Variants in DSCAM observed in about 807,000 individuals in gnomAD.
The protein encoded by DSCAM is DS cell adhesion molecule, also known as cell adhesion molecule DSCAM.
DSCAM carries 47 observed loss-of-function variants against 217.7 expected under a neutral mutation model. The ratio of observed to expected loss-of-function variants is 0.22; its 90% CI spans 0.17 to 0.28. The LOEUF is 0.28. Ranked by LOEUF, DSCAM falls within the 10% of genes least tolerant of loss-of-function variation. The pLI is 1.00. For synonymous variants in DSCAM, 1,056 were observed against 1,015.3 expected, an observed-to-expected ratio of 1.04 and a Z score of -0.76; for missense variants, 2,080 against 2,618.3, an observed-to-expected ratio of 0.79 and a Z score of 4.49.
At chr21:40,407,628 T>C (rs1316758073) in intron 3 of DSCAM, among the ~76,000 whole-genome samples, 1 of 152,152 alleles carries the variant, frequency 6.6e-6, no homozygotes, top group Non-Finnish European at 1.5e-5. Context: ...AGACACTCCA[T>C]ATAAAGACAA....
chr21:40,489,607 T>C (rs2076058156), intron 3 of DSCAM, among the ~76,000 whole-genome samples: 1 of 151,402 alleles, frequency 6.6e-6, no homozygotes, highest in Non-Finnish European at 1.5e-5. Context: ...ACCCCGTCTC[T>C]ACTAAAAATA....
intron 3 of DSCAM, among the ~76,000 whole-genome samples, chr21:40,677,553 A>G (rs2090354352): frequency 6.6e-6 from 1 of 152,154 alleles, no homozygotes; most frequent in African/African-American, 2.4e-5. Flanking sequence ...TCCCCCCAAA[A>G]AGTCAAGAAA....
At chr21:40,578,156 G>A (rs1233616565) in intron 3 of DSCAM, among the ~76,000 whole-genome samples, 2 of 152,140 alleles carry the variant, frequency 1.3e-5, no homozygotes, top group African/African-American at 4.8e-5. Flanking sequence ...TAGAGTGCAG[G>A]CTAACACCGT....
intron 1 of DSCAM, among the ~76,000 whole-genome samples, chr21:40,718,194 C>T (rs552265918): frequency 4.5e-4 from 69 of 152,294 alleles, no homozygotes; most frequent in African/African-American, 1.6e-3. Flanking sequence ...AACAACATGT[C>T]AGTTTCACTA....
chr21:40,826,038 CA>C (rs1164728969), intron 1 of DSCAM, among the ~76,000 whole-genome samples: 3 of 152,300 alleles, frequency 2.0e-5, no homozygotes, highest in Non-Finnish European at 2.9e-5. Context: ...GCACAGTAGA[CA>C]AATGTGGGCT....
chr21:40,737,827 G>A (rs530397202), intron 1 of DSCAM, among the ~76,000 whole-genome samples: 2 of 152,308 alleles, frequency 1.3e-5, no homozygotes, highest in Admixed American at 1.3e-4. Context: ...GCTCTTGAGT[G>A]GGTTCTGGGC....
rs778651720 is a variant in DSCAM, at chr21:40,353,577, G to C, written c.822C>G (p.Thr274=). The C allele has an allele frequency of 6.2e-7, 1 of 1,610,178 alleles. No homozygotes were observed. The highest frequency in any genetic ancestry group is 1.3e-5 in the African/African-American group (1 of 74,564). The change falls in exon 5 of 33, where the codon ACC becomes ACG. Residue 274 remains threonine, a synonymous_variant. Coordinates refer to ENST00000400454, the MANE Select transcript of DSCAM (RefSeq NM_001389.5). ...TGTTCTCAATGAGCAGCCCCGTCACGGTCTTCTGGAACCTCCCTGAAAGTT... is the reference window on the plus strand; with the variant it reads ...TGTTCTCAATGAGCAGCCCCGTCACCGTCTTCTGGAACCTCCCTGAAAGTT... ...PLELSGRFQK[T]VTGLLIENIR...
intron 17 of DSCAM, 94 bp from the exon 18 acceptor site, chr21:40,142,798 C>G: frequency 1.4e-6 from 2 of 1,437,186 alleles, no homozygotes; most frequent in Non-Finnish European, 1.9e-6. Flanking sequence ...TTTCAATATG[C>G]AAGCAAAAAA....
rs8133011 is a variant in DSCAM at position 40,101,146 on chromosome 21, G to A, written c.3697-7272C>T. ...CTGTCTATGCCCAGCTTGAGGAAGT[G>A]GATGGGACATTTGTGGACTGGGGTT... On this transcript the variant is annotated intron_variant, in intron 20 of 32. Transcript: ENST00000400454. Among the ~76,000 whole-genome samples, 1,348 of 152,304 alleles carry A rather than the reference G, an allele frequency of 8.9e-3. 22 individuals are homozygous for A. Among genetic ancestry groups the A allele is most frequent in the African/African-American group, 0.03 (1,262 of 41,576 alleles).
At chr21:40,632,990 A>C (rs957549530) in intron 3 of DSCAM, among the ~76,000 whole-genome samples, 5 of 152,196 alleles carry the variant, frequency 3.3e-5, no homozygotes, top group African/African-American at 1.2e-4. Flanking sequence ...ATTTATTCTC[A>C]GAGATTTTGT....
chr21:40,364,305 T>C (rs958312152), intron 4 of DSCAM, among the ~76,000 whole-genome samples: 1 of 152,022 alleles, frequency 6.6e-6, no homozygotes, highest in Non-Finnish European at 1.5e-5. Flanking sequence ...TAGACTGGAT[T>C]AAGAAAAAGT....
At chr21:40,506,739 C>T (rs989980899) in intron 3 of DSCAM, among the ~76,000 whole-genome samples, 1 of 151,944 alleles carries the variant, frequency 6.6e-6, no homozygotes. Context: ...CAGGAAGAAG[C>T]GTTTTTAAAA....
intron 4 of DSCAM, among the ~76,000 whole-genome samples, chr21:40,357,860 A>AT (rs1238926135): frequency 2.9e-5 from 2 of 69,352 alleles, no homozygotes; most frequent in South Asian, 5.0e-4. Flanking sequence ...TTAAAGTATA[A>AT]TAAAAAAAAA....
chr21:40,274,511 T>C (rs2073661377), intron 11 of DSCAM, among the ~76,000 whole-genome samples: 2 of 152,232 alleles, frequency 1.3e-5, no homozygotes, highest in Non-Finnish European at 2.9e-5. Flanking sequence ...AATTGTCTTA[T>C]GCATTTAAAG....
At chr21:40,673,930 T>C (rs1253339502) in intron 3 of DSCAM, among the ~76,000 whole-genome samples, 1 of 152,154 alleles carries the variant, frequency 6.6e-6, no homozygotes, top group African/African-American at 2.4e-5. Context: ...CAGCCTCAGG[T>C]ATTTCTTTAC....
chr21:40,248,692 C>G (rs1027159230), intron 11 of DSCAM, among the ~76,000 whole-genome samples: 2 of 152,220 alleles, frequency 1.3e-5, no homozygotes, highest in African/African-American at 4.8e-5. Flanking sequence ...GTTCCAACCT[C>G]TGCCGGTTAC....
At chr21:40,449,516 T>G (rs543353655) in intron 3 of DSCAM, among the ~76,000 whole-genome samples, 148 of 152,298 alleles carry the variant, frequency 9.7e-4, no homozygotes, top group African/African-American at 2.9e-3. Flanking sequence ...CAAAATAAAC[T>G]TGTACCTCCC....
chr21:40,249,694 G>A (rs1217511396), intron 11 of DSCAM, among the ~76,000 whole-genome samples: 4 of 152,138 alleles, frequency 2.6e-5, no homozygotes, highest in African/African-American at 9.7e-5. Context: ...CAGGTCTCAG[G>A]GTCAGAAGTG....
chr21:40,801,460 T>C (rs2091739719), intron 1 of DSCAM, among the ~76,000 whole-genome samples: 1 of 152,150 alleles, frequency 6.6e-6, no homozygotes. Flanking sequence ...GGGAGCCAGG[T>C]GCTTTTCCTC....
Sources: allele counts gnomAD v4.1 joint callset (sites outside exome capture counted in the v4.1 genomes callset), GRCh38; gene constraint gnomAD v4.1.1; transcripts MANE v1.5; gene names NCBI Gene and HGNC (gene_info 2026-07-23, HGNC 2026-07-21).